Variants in ZNF592 observed in about 807,000 individuals in gnomAD.
ZNF592 encodes the protein spinocerebellar ataxia, autosomal recessive 5.
A neutral mutation model predicts 80.3 loss-of-function variants in ZNF592; 11 were observed. That is an observed-to-expected ratio of 0.14 (90% CI 0.09 to 0.23). The LOEUF (loss-of-function observed/expected upper bound fraction) is 0.23, where lower values mean the gene tolerates loss of function less well. Among genes scored for constraint, ZNF592 ranks in the 10% least tolerant of loss-of-function variants. ZNF592 has a pLI of 1.00. For synonymous variants in ZNF592, 646 were observed against 640.3 expected (o/e 1.01, Z -0.13); for missense variants, 1,420 against 1,633.9 (o/e 0.87, Z 2.26).
chr15:84,758,324 C>G (rs1049060733), intron 1 of ZNF592, among the ~76,000 whole-genome samples: 1 of 151,996 alleles, frequency 6.6e-6, no homozygotes, highest in Admixed American at 6.6e-5. Flanking sequence ...GCTCTGTTGT[C>G]TAGACTGTAG....
At position 84,798,549 on chromosome 15, in the gene ZNF592, T is replaced by G. The variant is rs773507113; in HGVS notation, c.2737-39T>G. On this transcript the variant is annotated intron_variant, in intron 7 of 10. Transcript: ENST00000560079. The surrounding 1 kb of genome is among the most constrained non-coding windows in gnomAD (Gnocchi z 4.5). Reference sequence around the variant, plus strand: ...CTGGGGGTCTGACTCTGTGCATCTTTCCCCTTGCCCAGTCAGTAATCGCTC... The same window carrying G: ...CTGGGGGTCTGACTCTGTGCATCTTGCCCCTTGCCCAGTCAGTAATCGCTC... 6.2e-7 allele frequency: 1 copy of G among 1,613,802 alleles called. No homozygotes were observed.
At position 84,784,292 on chromosome 15, in the gene ZNF592, C is replaced by T; in HGVS notation, c.1617C>T (p.Pro539=). The T allele has an allele frequency of 6.2e-7, 1 of 1,614,244 alleles. No individual in the cohort carries two copies. Among genetic ancestry groups the T allele is most frequent in the Non-Finnish European group, 8.5e-7 (1 of 1,180,044 alleles). Residue 539 remains proline, a synonymous_variant, in exon 4 of 11, where the codon CCC becomes CCT. Transcript: ENST00000560079. The surrounding 1 kb of genome is among the most constrained non-coding windows in gnomAD (Gnocchi z 5.8). ...SQPQLTQMSV[P]LVHQVKKAAP... Reference sequence around the variant, plus strand: ...CACAGCTTACACAAATGTCGGTGCCCCTGGTCCACCAGGTGAAAAAGGCTG... The same window carrying T: ...CACAGCTTACACAAATGTCGGTGCCTCTGGTCCACCAGGTGAAAAAGGCTG...
chr15:84,771,590 G>A (rs565269459), intron 2 of ZNF592, among the ~76,000 whole-genome samples: 21 of 152,316 alleles, frequency 1.4e-4, no homozygotes, highest in African/African-American at 4.8e-4. Context: ...ATGTTTCACA[G>A]CAAATTTTAT....
rs534796538 is a variant in ZNF592 at position 84,794,445 on chromosome 15, G to A, written c.2400-3424G>A. ...GAAATGGTATCTTGTTTCCCTGATGGTTAACGGTGTTGATCATGTGCTTAT... is the reference window on the plus strand; with the variant it reads ...GAAATGGTATCTTGTTTCCCTGATGATTAACGGTGTTGATCATGTGCTTAT... On this transcript the variant is annotated intron_variant, in intron 5 of 10. Transcript: ENST00000560079. Among the ~76,000 whole-genome samples, 5 of 151,608 alleles carry A rather than the reference G, an allele frequency of 3.3e-5. No homozygotes were observed. The South Asian group carries it at 8.3e-4, about 25-fold the overall frequency.
At chr15:84,797,782 T>A in intron 5 of ZNF592, 87 bp from the exon 6 acceptor site, 1 of 1,483,314 alleles carries the variant, frequency 6.7e-7, no homozygotes, top group Non-Finnish European at 9.4e-7. Flanking sequence ...TCTGTTCCTC[T>A]TCTCCATCCC....
At chr15:84,795,959 C>T (rs1402205127) in intron 5 of ZNF592, among the ~76,000 whole-genome samples, 2 of 151,904 alleles carry the variant, frequency 1.3e-5, no homozygotes, top group Non-Finnish European at 1.5e-5. Flanking sequence ...AAATGTATCA[C>T]GCCTGTAATC....
chr15:84,800,755 C>T (rs1272191013), intron 10 of ZNF592, among the ~76,000 whole-genome samples: 1 of 152,164 alleles, frequency 6.6e-6, no homozygotes, highest in African/African-American at 2.4e-5. Flanking sequence ...CCCTTTGATC[C>T]AGCAATTCTG....
chr15:84,802,293 T>C lies in ZNF592; in HGVS notation c.3704T>C (p.Leu1235Ser), dbSNP rs750750742. 8 of 1,612,936 alleles carry C rather than the reference T, an allele frequency of 5.0e-6. No homozygotes were observed. Among genetic ancestry groups the C allele is most frequent in the Non-Finnish European group, 5.9e-6 (7 of 1,179,330 alleles). ...PLSADPEARR[L>S]LGPAPEDDGG... The stretch of plus-strand genomic sequence containing the variant: ...TCAGCTGACCCAGAGGCGAGGAGAT[T>C]GCTGGGCCCGGCCCCTGAGGACGAT... The change falls in exon 11 of 11, where the codon TTG becomes TCG. Residue 1235 changes from leucine (L) to serine (S), a missense_variant. Leu to Ser is a moderately radical substitution (Grantham distance 145). This residue lies in a region of ZNF592 where 145 missense variants were observed against 211.9 expected (regional missense o/e 0.68). Coordinates refer to ENST00000560079, the MANE Select transcript of ZNF592 (RefSeq NM_014630.3).
At chr15:84,749,770 T>C (rs34003212) in intron 1 of ZNF592, among the ~76,000 whole-genome samples, 128,307 of 152,178 alleles carry the variant, frequency 0.84, 54,544 homozygotes, top group African/African-American at 0.96. Context: ...GGTGGTATTT[T>C]AGTAGTCTGT....
At position 84,765,492 on chromosome 15, in the gene ZNF592, G is replaced by A. The variant is rs1012905884; in HGVS notation, c.-150+677G>A. 2.0e-4 allele frequency among the ~76,000 whole-genome samples: 30 copies of A among 150,804 alleles called. 1 individual carries two copies. Among genetic ancestry groups the A allele is most frequent in the African/African-American group, 6.8e-4 (28 of 41,088 alleles). On this transcript the variant is annotated intron_variant, in intron 2 of 10. Coordinates refer to ENST00000560079, the MANE Select transcript of ZNF592 (RefSeq NM_014630.3). ...TTACATTCCTACCAGCGATGCACAA[G>A]GAATCTGATTTCTCCACATCCTCAC...
Position 84,784,584 on chromosome 15 carries a change from C to T in ZNF592, c.1909C>T (p.Arg637Cys), listed in dbSNP as rs924341325. 1.2e-6 allele frequency: 2 copies of T among 1,614,200 alleles called. No individual in the cohort carries two copies. Among genetic ancestry groups the T allele is most frequent in the Non-Finnish European group, 1.7e-6 (2 of 1,180,034 alleles). The stretch of plus-strand genomic sequence containing the variant: ...CAAGTGCAGCCTGCTCCGGCACGCC[C>T]GTGACCACAAGAGCAAGGGGCTCGT... ...FNKCSLLRHA[R>C]DHKSKGLVMQ... Residue 637 changes from arginine to cysteine, a missense_variant, in exon 4 of 11, where the codon CGT becomes TGT. By Grantham distance (180) the Arg-to-Cys change is radical. Coordinates refer to ENST00000560079, the MANE Select transcript of ZNF592 (RefSeq NM_014630.3). The surrounding 1 kb of genome is among the most constrained non-coding windows in gnomAD (Gnocchi z 5.8).
At chr15:84,756,359 A>G (rs185257620) in intron 1 of ZNF592, among the ~76,000 whole-genome samples, 1 of 152,262 alleles carries the variant, frequency 6.6e-6, no homozygotes, top group East Asian at 1.9e-4. Context: ...ACAACATTCT[A>G]CTTTTTTGTC....
chr15:84,801,795 A>G (rs1244953044), intron 10 of ZNF592, 68 bp from the exon 11 acceptor site: 8 of 1,612,830 alleles, frequency 5.0e-6, no homozygotes, highest in Non-Finnish European at 6.8e-6. Flanking sequence ...CCTTGGGCTC[A>G]TGGTTATGTC....
Position 84,748,635 on chromosome 15 carries a change from C to A in ZNF592, c.-288C>A. The A allele has an allele frequency of 6.8e-6, 1 of 148,038 alleles. No homozygotes were observed. The allele number at this position is 148,038 out of a possible 1,614,324, so 9.2% of individuals were successfully genotyped here. A position where few individuals can be genotyped will look rare whatever the true frequency, so the allele number is the denominator to read the frequency against. On this transcript the variant is annotated 5_prime_UTR_variant, in exon 1 of 11. In the 5' UTR this introduces an upstream ATG that the reference lacks. Transcript: ENST00000560079. ...GCTGGGGACGCGCGCGGCCGAGACT[C>A]TGGCCTGCAGTCGCCGCCGCCGCCG...
rs1480952861 is a variant in ZNF592 at position 84,784,137 on chromosome 15, C to T, written c.1462C>T (p.Leu488=). The change falls in exon 4 of 11, where the codon CTG becomes TTG. Residue 488 remains leucine, a synonymous_variant. Coordinates refer to ENST00000560079, the MANE Select transcript of ZNF592 (RefSeq NM_014630.3). The surrounding 1 kb of genome is among the most constrained non-coding windows in gnomAD (Gnocchi z 5.8). ...QTGKKQQSTA[L]QASTLAPANL... is the part of the protein sequence containing the mutation. The stretch of plus-strand genomic sequence containing the variant: ...AGGCAAGAAGCAACAGAGCACAGCA[C>T]TGCAGGCATCCACCCTGGCCCCTGC... 1 of 1,614,180 alleles carries T rather than the reference C, an allele frequency of 6.2e-7. No individual in the cohort carries two copies. Among genetic ancestry groups the T allele is most frequent in the Non-Finnish European group, 8.5e-7 (1 of 1,180,048 alleles).
intron 2 of ZNF592, among the ~76,000 whole-genome samples, chr15:84,765,094 C>T (rs958750175): frequency 2.6e-5 from 4 of 152,144 alleles, no homozygotes; most frequent in African/African-American, 4.8e-5. Flanking sequence ...CCTGCTAACC[C>T]CTGGCAACCA....
intron 1 of ZNF592, among the ~76,000 whole-genome samples, chr15:84,763,361 G>C (rs1165669932): frequency 6.6e-6 from 1 of 152,220 alleles, no homozygotes; most frequent in Non-Finnish European, 1.5e-5. Context: ...TTGCGCATGT[G>C]AGAGAGACTG....
rs531444544 is a variant in ZNF592, at chr15:84,769,577, C to T, written c.-150+4762C>T. On this transcript the variant is annotated intron_variant, in intron 2 of 10. Coordinates refer to ENST00000560079, the MANE Select transcript of ZNF592 (RefSeq NM_014630.3). Reference sequence around the variant, plus strand: ...GAGCATGACCAGCATGCCTGAGGAACGTAAGGAGGCCTTTGTGTGCCTGGA... The same window carrying T: ...GAGCATGACCAGCATGCCTGAGGAATGTAAGGAGGCCTTTGTGTGCCTGGA... Among the ~76,000 whole-genome samples the T allele has an allele frequency of 9.9e-5, 15 of 150,934 alleles. No homozygotes were observed. In the South Asian group the frequency reaches 2.1e-3, roughly 21 times the overall value.
Position 84,785,012 on chromosome 15 carries a change from A to G in ZNF592, c.2220+117A>G, listed in dbSNP as rs977635724. On this transcript the variant is annotated intron_variant, in intron 4 of 10. Coordinates refer to ENST00000560079, the MANE Select transcript of ZNF592 (RefSeq NM_014630.3). ...GCAGTGGTGGAATCTTATGAGTCTT[A>G]GAAGAGGATGTCTGCCTGAATATTT... The G allele has an allele frequency of 9.1e-6, 11 of 1,205,442 alleles. No individual in the cohort carries two copies. In the Admixed American group the frequency reaches 1.3e-4, roughly 14 times the overall value. 74.7% of individuals were successfully genotyped at this position (1,205,442 alleles called of 1,614,324 possible).
Sources: allele counts gnomAD v4.1 joint callset (sites outside exome capture counted in the v4.1 genomes callset), GRCh38; gene constraint gnomAD v4.1.1; regional missense constraint gnomAD v4.1.1; non-coding constraint Gnocchi (gnomAD v3.1); transcripts MANE v1.5; gene names NCBI Gene and HGNC (gene_info 2026-07-23, HGNC 2026-07-21).